CSMD1: variants seen among roughly 807,000 people sequenced by gnomAD.
CSMD1 encodes CUB and Sushi multiple domains 1, also known as CUB and sushi domain-containing protein 1.
In CSMD1, 213 loss-of-function variants were observed where a neutral mutation model predicts 417.5. That is an observed-to-expected ratio of 0.51 (90% CI 0.46 to 0.57). CSMD1 has a LOEUF of 0.57. Ranked by LOEUF, CSMD1 falls within the 20% of genes least tolerant of loss-of-function variation. The probability of loss-of-function intolerance (pLI) is 0.00; values close to 1 mark genes in which losing one functional copy is unlikely to be tolerated. For missense variants in CSMD1, 6,923 were observed against 4,529.7 expected, an observed-to-expected ratio of 1.53 and a Z score of -15.17; for synonymous variants, 2,862 against 1,736.8, an observed-to-expected ratio of 1.65 and a Z score of -16.11.
intron 25 of CSMD1, among the ~76,000 whole-genome samples, chr8:3,298,674 G>T (rs1804152228): frequency 6.6e-6 from 1 of 152,160 alleles, no homozygotes; most frequent in Non-Finnish European, 1.5e-5. Flanking sequence ...GGTTGGTCTT[G>T]AACTCCTGAT....
intron 37 of CSMD1, among the ~76,000 whole-genome samples, chr8:3,179,043 G>A (rs1821124039): frequency 6.6e-6 from 1 of 151,282 alleles, no homozygotes; most frequent in African/African-American, 2.4e-5. Flanking sequence ...TGCCTCCCGG[G>A]TTCACGCCAT....
chr8:3,632,326 C>G (rs1796824005), intron 7 of CSMD1, among the ~76,000 whole-genome samples: 1 of 152,134 alleles, frequency 6.6e-6, no homozygotes, highest in African/African-American at 2.4e-5. Flanking sequence ...CGTTCGCCTT[C>G]TTGGACCTTC....
intron 2 of CSMD1, among the ~76,000 whole-genome samples, chr8:4,619,614 G>A (rs543057052): frequency 1.3e-4 from 20 of 151,958 alleles, no homozygotes; most frequent in Non-Finnish European, 2.5e-4. Context: ...CACTCTATCC[G>A]TCTGTGCACT....
intron 7 of CSMD1, among the ~76,000 whole-genome samples, chr8:3,687,852 T>C (rs1563273759): frequency 6.6e-6 from 1 of 152,200 alleles, no homozygotes; most frequent in Non-Finnish European, 1.5e-5. Flanking sequence ...ACTCTTGGTC[T>C]CCACTCAGTG....
At chr8:4,065,161 A>G (rs1799179975) in intron 3 of CSMD1, among the ~76,000 whole-genome samples, 1 of 152,204 alleles carries the variant, frequency 6.6e-6, no homozygotes, top group African/African-American at 2.4e-5. Context: ...TACTGACACT[A>G]TTTACACAAA....
intron 5 of CSMD1, among the ~76,000 whole-genome samples, chr8:3,865,426 G>C (rs1563157822): frequency 6.6e-6 from 1 of 152,134 alleles, no homozygotes; most frequent in Admixed American, 6.5e-5. Flanking sequence ...CTGCAAGCGA[G>C]ACTGTGAGGG....
chr8:3,157,992 T>C (rs377399556), intron 38 of CSMD1, 26 bp from the exon 39 acceptor site: 200 of 1,512,578 alleles, frequency 1.3e-4, no homozygotes, highest in Middle Eastern at 1.7e-4. Context: ...CAAAAGAAAA[T>C]ACATATAACT....
chr8:3,038,135 G>A (rs1810819947), intron 50 of CSMD1, among the ~76,000 whole-genome samples: 2 of 152,106 alleles, frequency 1.3e-5, no homozygotes, highest in Non-Finnish European at 2.9e-5. Flanking sequence ...AATAAATAGT[G>A]TTCCAACGCT....
intron 39 of CSMD1, among the ~76,000 whole-genome samples, chr8:3,153,895 A>G (rs548199231): frequency 1.3e-5 from 2 of 152,338 alleles, no homozygotes; most frequent in Non-Finnish European, 2.9e-5. Flanking sequence ...GATGTTGCTT[A>G]TCTAGAAAAC....
chr8:3,147,965 T>C (rs1239518733), intron 40 of CSMD1, among the ~76,000 whole-genome samples: 1 of 152,200 alleles, frequency 6.6e-6, no homozygotes, highest in Non-Finnish European at 1.5e-5. Context: ...TTTTGCAACC[T>C]GATCACCAAG....
intron 47 of CSMD1, among the ~76,000 whole-genome samples, chr8:3,092,213 T>C (rs984054238): frequency 1.3e-5 from 2 of 152,070 alleles, no homozygotes; most frequent in South Asian, 4.2e-4. Flanking sequence ...AAAAAAGAAT[T>C]GAAGATTCCA....
At chr8:4,308,748 G>C (rs763322545) in intron 3 of CSMD1, among the ~76,000 whole-genome samples, 2 of 152,172 alleles carry the variant, frequency 1.3e-5, no homozygotes, top group Admixed American at 6.5e-5. Flanking sequence ...TGTAAGACTG[G>C]CTGTTTGAGC....
At chr8:4,441,119 A>T (rs200440455) in intron 2 of CSMD1, among the ~76,000 whole-genome samples, 4 of 4,924 alleles carry the variant, frequency 8.1e-4, no homozygotes, top group African/African-American at 5.1e-4. Flanking sequence ...TTTTTTTTTT[A>T]AGAGATAGGG....
chr8:4,834,353 A>G (rs1045445872), intron 1 of CSMD1, among the ~76,000 whole-genome samples: 1 of 152,214 alleles, frequency 6.6e-6, no homozygotes, highest in Non-Finnish European at 1.5e-5. Context: ...AGAACGCATC[A>G]TCTGTAGGAA....
intron 1 of CSMD1, among the ~76,000 whole-genome samples, chr8:4,925,537 C>CTTTTTTTTTTTTTT (rs113682113): frequency 6.9e-6 from 1 of 145,906 alleles, no homozygotes; most frequent in Admixed American, 6.8e-5. Context: ...CTGGCATTTT[C>CTTTTTTTTTTTTTT]TTTTTTTTTT....
chr8:3,776,820 A>C (rs1334607056), intron 5 of CSMD1, among the ~76,000 whole-genome samples: 1 of 151,308 alleles, frequency 6.6e-6, no homozygotes, highest in Non-Finnish European at 1.5e-5. Flanking sequence ...ATATATATAT[A>C]TATACAGATG....
intron 54 of CSMD1, among the ~76,000 whole-genome samples, chr8:2,987,753 C>T (rs1307138676): frequency 1.3e-5 from 2 of 152,202 alleles, no homozygotes; most frequent in South Asian, 2.1e-4. Context: ...ACCCTGCCAG[C>T]GGCGCGCATA....
Position 4,335,197 on chromosome 8 carries a change from G to T in CSMD1, c.415+84756C>A, listed in dbSNP as rs182500120. On this transcript the variant is annotated intron_variant, in intron 3 of 69. Transcript: ENST00000635120. The stretch of plus-strand genomic sequence containing the variant: ...GGGATTACAGGTGTGAGCCACCATG[G>T]CTGGCCTGGGCTCTCTTTTCTATGG... Among the ~76,000 whole-genome samples, 153 of 152,088 alleles carry T rather than the reference G, an allele frequency of 1.0e-3. 2 individuals carry two copies. Among genetic ancestry groups the T allele is most frequent in the Middle Eastern group, 3.4e-3 (1 of 294 alleles).
intron 23 of CSMD1, among the ~76,000 whole-genome samples, chr8:3,341,167 C>G (rs768764430): frequency 7.9e-4 from 121 of 152,212 alleles, no homozygotes; most frequent in Non-Finnish European, 1.3e-3. Flanking sequence ...CTGAGCCTCG[C>G]CCACTGACGC....
Sources: allele counts gnomAD v4.1 joint callset (sites outside exome capture counted in the v4.1 genomes callset), GRCh38; gene constraint gnomAD v4.1.1; transcripts MANE v1.5; gene names NCBI Gene and HGNC (gene_info 2026-07-23, HGNC 2026-07-21).